Variants in PLAC1 observed in about 807,000 individuals in gnomAD.
PLAC1 encodes the protein placenta associated 1.
For missense variants in PLAC1, 136 were observed against 163.2 expected (o/e 0.83, Z 0.91); for synonymous variants, 68 against 62.1 (o/e 1.09, Z -0.44).
chrX:134,691,903 C>T (rs898940208), intron 2 of PLAC1, among the ~76,000 whole-genome samples: 2 of 111,827 alleles, frequency 1.8e-5, no homozygotes, highest in Admixed American at 9.5e-5. Flanking sequence ...TTGTCAGCAA[C>T]GACATCACTT....
rs746653016 is a variant in PLAC1 at position 134,732,075 on chromosome X, T to G, written n.174+1360A>C. ...AGAGTGGGGGCACACAATGGCAACA[T>G]GAACTAGAGGGATGCCTTCCATCAG... is the stretch of plus-strand genomic sequence containing the variant. On this transcript the variant is annotated intron_variant and non_coding_transcript_variant, in intron 2 of 2. Transcript: ENST00000466797. Among the ~76,000 whole-genome samples, 7 of 111,512 alleles carry G rather than the reference T, an allele frequency of 6.3e-5. No individual in the cohort carries two copies. The East Asian group carries it at 2.0e-3, about 32-fold the overall frequency.
In PLAC1 at chrX:134,682,659, G is replaced by A. The variant is rs767382597; in HGVS notation, n.174+50776C>T. On this transcript the variant is annotated intron_variant and non_coding_transcript_variant, in intron 2 of 2. Coordinates refer to the PLAC1 transcript ENST00000466797. ...CTCCCTCCGCCTCCTGAGTTCAAGTGATTCTCCTGTCTCAGCCTCCTTAGT... is the reference window on the plus strand; with the variant it reads ...CTCCCTCCGCCTCCTGAGTTCAAGTAATTCTCCTGTCTCAGCCTCCTTAGT... Among the ~76,000 whole-genome samples the A allele has an allele frequency of 5.4e-5, 6 of 110,488 alleles. No homozygotes were observed. In the South Asian group the frequency reaches 2.4e-3, roughly 43 times the overall value.
chrX:134,592,025 C>T (rs746639887), intron 2 of PLAC1, among the ~76,000 whole-genome samples: 7 of 111,785 alleles, frequency 6.3e-5, no homozygotes, highest in East Asian at 2.8e-4. Context: ...AAGTTCTTAA[C>T]GTATTCTAGA....
At chrX:134,619,276 A>G (rs2078199394) in intron 1 of PLAC1, among the ~76,000 whole-genome samples, 1 of 112,494 alleles carries the variant, frequency 8.9e-6, no homozygotes, top group South Asian at 3.6e-4. Context: ...ACAATTCTGC[A>G]CATAGTTTCA....
intron 1 of PLAC1, chrX:134,760,114 A>G (rs2078766231): frequency 8.9e-6 from 1 of 112,104 alleles, no homozygotes; most frequent in South Asian, 3.6e-4. Context: ...ATGTAACAAA[A>G]TTTCACTTAT....
chrX:134,621,506 C>T (rs182155434), intron 1 of PLAC1, among the ~76,000 whole-genome samples: 6 of 105,775 alleles, frequency 5.7e-5, no homozygotes, highest in African/African-American at 6.9e-5. Flanking sequence ...TTTGAGACCT[C>T]GGAGGCAGTT....
intron 2 of PLAC1, among the ~76,000 whole-genome samples, chrX:134,679,118 C>T (rs1199582979): frequency 4.5e-5 from 5 of 111,785 alleles, no homozygotes; most frequent in Non-Finnish European, 9.4e-5. Flanking sequence ...GTAGTTTAGA[C>T]CACACCAAGT....
At chrX:134,571,072 G>C (rs947087258) in intron 2 of PLAC1, among the ~76,000 whole-genome samples, 4 of 111,591 alleles carry the variant, frequency 3.6e-5, no homozygotes, top group Non-Finnish European at 7.5e-5. Context: ...CTGAGATCTC[G>C]TAGTACTTGT....
chrX:134,638,706 C>T (rs958902480), intron 1 of PLAC1, among the ~76,000 whole-genome samples: 1 of 110,580 alleles, frequency 9.0e-6, no homozygotes, highest in Admixed American at 9.7e-5. Context: ...TGCTCTTACT[C>T]TTGCCATTCC....
intron 1 of PLAC1, among the ~76,000 whole-genome samples, chrX:134,643,440 G>A (rs1288215955): frequency 4.5e-5 from 5 of 111,528 alleles, no homozygotes; most frequent in Non-Finnish European, 9.4e-5. Context: ...TAACACCAAT[G>A]CCAAATTATA....
At chrX:134,592,720 CTTTTTTTTTT>C (rs141372595) in intron 2 of PLAC1, among the ~76,000 whole-genome samples, 1 of 61,445 alleles carries the variant, frequency 1.6e-5, no homozygotes, top group African/African-American at 6.0e-5. Flanking sequence ...CTCTGTGTCT[CTTTTTTTTTT>C]TTTTTTTTTT....
rs553334952 is a variant in PLAC1 at position 134,572,683 on chromosome X, G to A, written c.-58-5943C>T. Reference sequence around the variant, plus strand: ...AACTGCAGAAAAATTGGGTGGTGTCGAAAAGAAAAAAGAAGGAAACACCCT... The same window carrying A: ...AACTGCAGAAAAATTGGGTGGTGTCAAAAAGAAAAAAGAAGGAAACACCCT... On this transcript the variant is annotated intron_variant, in intron 2 of 2. Coordinates refer to ENST00000359237, the MANE Select transcript of PLAC1 (RefSeq NM_021796.4). Among the ~76,000 whole-genome samples the A allele has an allele frequency of 2.4e-4, 27 of 110,736 alleles. No homozygotes were observed. In the South Asian group the frequency reaches 1.0e-2, roughly 41 times the overall value.
upstream of PLAC1, among the ~76,000 whole-genome samples, chrX:134,661,652 G>A (rs4599964): frequency 4.5e-5 from 5 of 111,986 alleles, no homozygotes; most frequent in African/African-American, 1.6e-4. Flanking sequence ...TTGAAAATAC[G>A]TAAAAATAAC....
chrX:134,747,626 TGGC>T (rs1195091520), intron 1 of PLAC1, among the ~76,000 whole-genome samples: 1 of 111,422 alleles, frequency 9.0e-6, no homozygotes, highest in African/African-American at 3.3e-5. Flanking sequence ...AAGAGAATCC[TGGC>T]CTGAGAGTCA....
chrX:134,580,559 T>C (rs2077969010), intron 2 of PLAC1, among the ~76,000 whole-genome samples: 1 of 111,937 alleles, frequency 8.9e-6, no homozygotes, highest in African/African-American at 3.2e-5. Context: ...AAGGTGTTCA[T>C]AACAGAGGAC....
At chrX:134,590,612 G>T (rs897736755) in intron 2 of PLAC1, among the ~76,000 whole-genome samples, 3 of 111,504 alleles carry the variant, frequency 2.7e-5, no homozygotes, top group Admixed American at 9.5e-5. Flanking sequence ...CCTCCCTGAA[G>T]AAGAGACTTT....
chrX:134,660,863 C>A (rs2078414021), upstream of PLAC1, among the ~76,000 whole-genome samples: 1 of 112,078 alleles, frequency 8.9e-6, no homozygotes, highest in Non-Finnish European at 1.9e-5. Context: ...GAGGAGTCAG[C>A]CTCTTAGCTC....
intron 2 of PLAC1, among the ~76,000 whole-genome samples, chrX:134,724,824 G>A (rs1220447442): frequency 1.8e-5 from 2 of 111,318 alleles, no homozygotes; most frequent in African/African-American, 6.5e-5. Context: ...GCAAGATGAC[G>A]AAACCCCATC....
intron 2 of PLAC1, among the ~76,000 whole-genome samples, chrX:134,600,651 A>ATT (rs1207166785): frequency 9.9e-6 from 1 of 101,134 alleles, no homozygotes; most frequent in African/African-American, 3.6e-5. Flanking sequence ...ACCCGATCTC[A>ATT]TTTTTTTTTT....
Sources: gnomAD v4.1 joint callset for allele counts (sites outside exome capture counted in the v4.1 genomes callset) on GRCh38, gnomAD v4.1.1 for gene constraint, MANE v1.5 for transcripts, NCBI Gene and HGNC (gene_info 2026-07-23, HGNC 2026-07-21) for gene names.